Variants in ACTL6B observed in about 807,000 individuals in gnomAD.
The protein encoded by ACTL6B is actin-like protein 6B.
A neutral mutation model predicts 63.3 loss-of-function variants in ACTL6B; 48 were observed. That is an observed-to-expected ratio of 0.76 (90% confidence interval 0.60 to 0.96). The LOEUF (loss-of-function observed/expected upper bound fraction) is 0.96, where lower values mean the gene tolerates loss of function less well. Ranked by LOEUF, ACTL6B falls within the 50% of genes least tolerant of loss-of-function variation. The pLI is 0.00. For synonymous variants in ACTL6B, 230 were observed against 223.8 expected (o/e 1.03, Z -0.25); for missense variants, 350 against 572.2 (o/e 0.61, Z 3.96).
At chr7:100,650,373 GAC>G (rs769228153) in intron 4 of ACTL6B, among the ~76,000 whole-genome samples, 44 of 149,918 alleles carry the variant, frequency 2.9e-4, no homozygotes, top group Admixed American at 2.1e-3. Flanking sequence ...CACATTCACA[GAC>G]ACACATAAAC....
chr7:100,654,888 G>A (rs1259089836), intron 4 of ACTL6B, 131 bp downstream of exon 4: 3 of 735,802 alleles, frequency 4.1e-6, no homozygotes, highest in South Asian at 3.4e-5. Flanking sequence ...TTTGGGATGG[G>A]TGAGGGGAGT....
intron 5 of ACTL6B, among the ~76,000 whole-genome samples, chr7:100,649,054 G>A (rs1342562199): frequency 4.7e-5 from 7 of 149,394 alleles, no homozygotes; most frequent in Middle Eastern, 3.6e-3. Context: ...GTGCAGTGGC[G>A]CAATCTCAGC....
rs529376684 is a variant in ACTL6B, at chr7:100,646,017, C to T, written c.1200+232G>A. Among the ~76,000 whole-genome samples the T allele has an allele frequency of 1.3e-5, 2 of 152,358 alleles. No individual in the cohort carries two copies. The highest frequency in any genetic ancestry group is 1.9e-4 in the East Asian group (1 of 5,194). ...AACTCCTAGCCTCAAGCCATCCCCC[C>T]ACTTCAGCCACCCAAAGTGCTGGGA... On this transcript the variant is annotated intron_variant, in intron 13 of 13. Coordinates refer to ENST00000160382, the MANE Select transcript of ACTL6B (RefSeq NM_016188.5). This position sits in a 1 kb window ranked among gnomAD's most constrained non-coding sequence, Gnocchi z 6.1.
chr7:100,651,859 T>C (rs1017678746), intron 4 of ACTL6B, among the ~76,000 whole-genome samples: 1 of 151,852 alleles, frequency 6.6e-6, no homozygotes, highest in Non-Finnish European at 1.5e-5. Context: ...TGAGCCACTG[T>C]CTCTGGCCTC....
In ACTL6B at chr7:100,647,641, C is replaced by T; in HGVS notation, c.670-108G>A. 1.3e-6 allele frequency: 1 copy of T among 791,664 alleles called. No homozygotes were observed. The highest frequency in any genetic ancestry group is 2.0e-6 in the Non-Finnish European group (1 of 489,882). 49.0% of individuals were successfully genotyped at this position (791,664 alleles called of 1,614,324 possible). ...CAGCTACCTGGCGCTGCAGGCTCTG[C>T]TGTGCTGCCTGCAAGAGGGGTTTCT... On this transcript the variant is annotated intron_variant, in intron 7 of 13. Transcript: ENST00000160382. The surrounding 1 kb of genome is among the most constrained non-coding windows in gnomAD (Gnocchi z 4.4).
At chr7:100,652,265 G>A (rs1317815313) in intron 4 of ACTL6B, among the ~76,000 whole-genome samples, 2 of 152,036 alleles carry the variant, frequency 1.3e-5, no homozygotes, top group African/African-American at 2.4e-5. Flanking sequence ...GGGCGTGGTG[G>A]TGGGTGCCTA....
intron 4 of ACTL6B, among the ~76,000 whole-genome samples, chr7:100,652,894 A>G (rs1232674543): frequency 6.7e-6 from 1 of 148,376 alleles, no homozygotes; most frequent in Non-Finnish European, 1.5e-5. Flanking sequence ...CCAGCTACTC[A>G]GGAGGCTGAG....
At position 100,647,352 on chromosome 7, in the gene ACTL6B, C is replaced by A. The variant is rs1161490284; in HGVS notation, c.760-68G>T. Reference sequence around the variant, plus strand: ...AGCAGCACCCCCTGCCCCGCTCCCCCTCCCTGCTCCCCCTCCCATGCGGGG... The same window carrying A: ...AGCAGCACCCCCTGCCCCGCTCCCCATCCCTGCTCCCCCTCCCATGCGGGG... On this transcript the variant is annotated intron_variant, in intron 8 of 13. Transcript: ENST00000160382. The surrounding 1 kb of genome is among the most constrained non-coding windows in gnomAD (Gnocchi z 4.4). 2 of 1,601,092 alleles carry A rather than the reference C, an allele frequency of 1.2e-6. No homozygotes were observed. Among genetic ancestry groups the A allele is most frequent in the Non-Finnish European group, 1.7e-6 (2 of 1,170,086 alleles).
intron 4 of ACTL6B, among the ~76,000 whole-genome samples, chr7:100,652,410 A>G (rs1803956550): frequency 6.9e-6 from 1 of 144,912 alleles, no homozygotes; most frequent in African/African-American, 2.6e-5. Flanking sequence ...CAACAGAGTG[A>G]GACTCCATCT....
At chr7:100,653,689 C>A (rs1803984059) in intron 4 of ACTL6B, among the ~76,000 whole-genome samples, 1 of 151,748 alleles carries the variant, frequency 6.6e-6, no homozygotes, top group African/African-American at 2.4e-5. Flanking sequence ...AAACCCCAAA[C>A]AACAACAACA....
Position 100,643,189 on chromosome 7 carries a change from T to G in ACTL6B, c.*57A>C. The G allele has an allele frequency of 2.7e-6, 4 of 1,501,630 alleles. No homozygotes were observed. The highest frequency in any genetic ancestry group is 1.4e-5 in the African/African-American group (1 of 72,776). 93.0% of individuals were successfully genotyped at this position (1,501,630 alleles called of 1,614,324 possible). A position where few individuals can be genotyped will look rare whatever the true frequency, so the allele number is the denominator to read the frequency against. On this transcript the variant is annotated 3_prime_UTR_variant, in exon 14 of 14. Transcript: ENST00000160382. ...AAAGGAGGAGGGGGGCAATGTGGCA[T>G]GGGGGTTAAGGGACTTCCATCTGAG...
chr7:100,653,135 A>T (rs2131337900), intron 4 of ACTL6B, among the ~76,000 whole-genome samples: 1 of 150,696 alleles, frequency 6.6e-6, no homozygotes, highest in Admixed American at 6.7e-5. Flanking sequence ...AGGCCTGATT[A>T]GCATACATAG....
chr7:100,647,299 G>A lies in ACTL6B; in HGVS notation c.760-15C>T, dbSNP rs1803842403. On this transcript the variant is annotated splice_polypyrimidine_tract_variant and intron_variant, in intron 8 of 13. Coordinates refer to ENST00000160382, the MANE Select transcript of ACTL6B (RefSeq NM_016188.5). The surrounding 1 kb of genome is among the most constrained non-coding windows in gnomAD (Gnocchi z 4.4). ...TGGATCACCTCCTGAAATCCCAGCG[G>A]AGGTGGTGAGGGCCTGCCTTCCCCG... 1 of 1,613,140 alleles carries A rather than the reference G, an allele frequency of 6.2e-7. No homozygotes were observed. Among genetic ancestry groups the A allele is most frequent in the African/African-American group, 1.3e-5 (1 of 75,024 alleles).
intron 4 of ACTL6B, among the ~76,000 whole-genome samples, chr7:100,653,146 T>C (rs1803974238): frequency 1.3e-5 from 2 of 148,208 alleles, no homozygotes; most frequent in Non-Finnish European, 3.0e-5. Context: ...GCATACATAG[T>C]AATAGGAGTG....
Position 100,655,141 on chromosome 7 carries a change from G to A in ACTL6B, c.269-22C>T. 1 of 1,593,624 alleles carries A rather than the reference G, an allele frequency of 6.3e-7. No homozygotes were observed. Among genetic ancestry groups the A allele is most frequent in the South Asian group, 1.1e-5 (1 of 90,620 alleles). On this transcript the variant is annotated intron_variant, in intron 3 of 13. Coordinates refer to ENST00000160382, the MANE Select transcript of ACTL6B (RefSeq NM_016188.5). This position sits in a 1 kb window ranked among gnomAD's most constrained non-coding sequence, Gnocchi z 4.4. ...TCGACTGGGGCCAGAAGAGCAGCGT[G>A]CAGAGACGCAAGAAGGCAGGCAGGG...
Position 100,650,099 on chromosome 7 carries a change from G to A in ACTL6B, c.406C>T (p.Leu136=). ...GGAATGTTGTACTGCTCGAACATCA[G>A]CTCTGTCAGCTTCTCCCGCTTGGCC... is the stretch of plus-strand genomic sequence containing the variant. ...TRAKREKLTE[L]MFEQYNIPAF... Residue 136 remains leucine, a synonymous_variant, in exon 5 of 14, where the codon CTG becomes TTG. Transcript: ENST00000160382. The A allele has an allele frequency of 6.2e-7, 1 of 1,613,930 alleles. No homozygotes were observed. Among genetic ancestry groups the A allele is most frequent in the Non-Finnish European group, 8.5e-7 (1 of 1,179,978 alleles).
chr7:100,655,921 T>C lies in ACTL6B; in HGVS notation c.26-42A>G, dbSNP rs1804032043. The C allele has an allele frequency of 6.5e-7, 1 of 1,536,900 alleles. No homozygotes were observed. ...GCCTGTAAGGGGACCTCCCCCGAAC[T>C]CTCTCCCGCTAGGTAGCTCCGAGAG... On this transcript the variant is annotated intron_variant, in intron 1 of 13. Coordinates refer to ENST00000160382, the MANE Select transcript of ACTL6B (RefSeq NM_016188.5). This position sits in a 1 kb window ranked among gnomAD's most constrained non-coding sequence, Gnocchi z 4.4.
At chr7:100,654,319 A>G (rs775180095) in intron 4 of ACTL6B, among the ~76,000 whole-genome samples, 84 of 151,282 alleles carry the variant, frequency 5.6e-4, no homozygotes, top group Non-Finnish European at 6.3e-4. Context: ...GGGTCTTGCC[A>G]TATTGCCTAG....
At position 100,655,470 on chromosome 7, in the gene ACTL6B, G is replaced by A; in HGVS notation, c.219C>T (p.His73=). The A allele has an allele frequency of 4.3e-6, 7 of 1,614,198 alleles. No individual in the cohort carries two copies. The highest frequency in any genetic ancestry group is 1.1e-5 in the South Asian group (1 of 91,086). The part of the protein sequence containing the change: ...KIFHIDTNAL[H]VPRDGAEVMS... Reference sequence around the variant, plus strand: ...TGACCTCCGCTCCATCCCGAGGCACGTGCAGGGCATTGGTGTCGATGTGGA... The same window carrying A: ...TGACCTCCGCTCCATCCCGAGGCACATGCAGGGCATTGGTGTCGATGTGGA... The change falls in exon 3 of 14, where the codon CAC becomes CAT. Residue 73 remains histidine, a synonymous_variant. Coordinates refer to ENST00000160382, the MANE Select transcript of ACTL6B (RefSeq NM_016188.5). The surrounding 1 kb of genome is among the most constrained non-coding windows in gnomAD (Gnocchi z 4.4).
Sources: gnomAD v4.1 joint callset for allele counts (sites outside exome capture counted in the v4.1 genomes callset) on GRCh38, gnomAD v4.1.1 for gene constraint, Gnocchi (gnomAD v3.1) non-coding constraint, MANE v1.5 for transcripts, NCBI Gene and HGNC (gene_info 2026-07-23, HGNC 2026-07-21) for gene names.